The following AFG2A variants were observed in gnomAD, a reference collection of about 807,000 sequenced individuals.
The protein encoded by AFG2A is AAA ATPase AFG2A.
At chr4:123,284,096 T>G in the AFG2A span, among the ~76,000 whole-genome samples, 8 of 152,322 alleles carry the variant, frequency 5.3e-5, no homozygotes, top group South Asian at 1.7e-3. Context: ...ATTTCTCTCC[T>G]CCCTGTCTGC....
chr4:123,091,631 G>A, the AFG2A span, among the ~76,000 whole-genome samples: 22 of 152,164 alleles, frequency 1.4e-4, no homozygotes, highest in Middle Eastern at 3.4e-3. Context: ...TAAAAATAAT[G>A]GATTCTTCTA....
chr4:123,068,503 T>C, the AFG2A span, among the ~76,000 whole-genome samples: 1 of 152,192 alleles, frequency 6.6e-6, no homozygotes, highest in African/African-American at 2.4e-5. Context: ...ATAAAACATT[T>C]CTAAATATGA....
At chr4:123,248,353 G>A in the AFG2A span, among the ~76,000 whole-genome samples, 9 of 152,190 alleles carry the variant, frequency 5.9e-5, no homozygotes, top group East Asian at 1.7e-3. Context: ...TTCTCCCAGT[G>A]TAATTACACT....
the AFG2A span, among the ~76,000 whole-genome samples, chr4:123,182,788 A>G: frequency 8.5e-5 from 13 of 152,304 alleles, no homozygotes; most frequent in Middle Eastern, 3.4e-3. Flanking sequence ...GTTATTTCCA[A>G]CAAAAGCCAC....
the AFG2A span, among the ~76,000 whole-genome samples, chr4:123,300,477 A>G: frequency 3.3e-5 from 5 of 152,164 alleles, no homozygotes; most frequent in African/African-American, 4.8e-5. Context: ...CCTGCAGGAA[A>G]TAGAGTTCAG....
chr4:123,169,461 G>A, the AFG2A span, among the ~76,000 whole-genome samples: 2 of 152,196 alleles, frequency 1.3e-5, no homozygotes, highest in African/African-American at 2.4e-5. Context: ...CTGGCTATGC[G>A]CATTGTTCTG....
the AFG2A span, among the ~76,000 whole-genome samples, chr4:123,050,562 C>G: frequency 6.6e-6 from 1 of 152,016 alleles, no homozygotes; most frequent in Non-Finnish European, 1.5e-5. Context: ...TAATGACTTT[C>G]TTTGTCTCTT....
chr4:123,136,373 A>G, the AFG2A span, among the ~76,000 whole-genome samples: 1 of 151,058 alleles, frequency 6.6e-6, no homozygotes, highest in African/African-American at 2.4e-5. Context: ...GTCTCTACTA[A>G]AAATACAAAA....
At chr4:123,089,758 T>A in the AFG2A span, among the ~76,000 whole-genome samples, 43 of 152,272 alleles carry the variant, frequency 2.8e-4, no homozygotes, top group Middle Eastern at 6.8e-3. Context: ...CTAATTTTTT[T>A]ATTTTTTTTA....
At chr4:123,283,749 T>C in the AFG2A span, among the ~76,000 whole-genome samples, 6 of 152,190 alleles carry the variant, frequency 3.9e-5, no homozygotes, top group Non-Finnish European at 8.8e-5. Flanking sequence ...TAAAGTTGTA[T>C]TGGAACACAG....
chr4:123,178,701 TG>T, the AFG2A span, among the ~76,000 whole-genome samples: 1 of 152,188 alleles, frequency 6.6e-6, no homozygotes, highest in African/African-American at 2.4e-5. Context: ...TTCTAAAAAT[TG>T]GGCTGTTTTT....
the AFG2A span, among the ~76,000 whole-genome samples, chr4:123,178,101 G>A: frequency 1.3e-5 from 2 of 152,116 alleles, no homozygotes; most frequent in Non-Finnish European, 2.9e-5. Flanking sequence ...TTTCTATAAA[G>A]CTTTGAAAAT....
the AFG2A span, among the ~76,000 whole-genome samples, chr4:123,131,001 T>A: frequency 2.6e-5 from 4 of 152,300 alleles, no homozygotes; most frequent in Admixed American, 2.6e-4. Flanking sequence ...TAATCTGCAT[T>A]GCTCTTATTA....
At chr4:123,185,176 G>A in the AFG2A span, among the ~76,000 whole-genome samples, 1 of 140,530 alleles carries the variant, frequency 7.1e-6, no homozygotes, top group African/African-American at 2.4e-5. Context: ...AAAAATTGGA[G>A]GAATATTAGT....
chr4:123,243,883 G>A, the AFG2A span, among the ~76,000 whole-genome samples: 1 of 151,956 alleles, frequency 6.6e-6, no homozygotes, highest in Non-Finnish European at 1.5e-5. Flanking sequence ...TTAGCCAGAT[G>A]TGGTAGCACA....
the AFG2A span, chr4:123,102,151 T>C: frequency 6.6e-6 from 1 of 151,950 alleles, no homozygotes; most frequent in Admixed American, 6.6e-5. Flanking sequence ...TCTGAGGTTT[T>C]TGTTTTTTGT....
At chr4:123,256,135 C>G in the AFG2A span, 1 of 1,614,086 alleles carries the variant, frequency 6.2e-7, no homozygotes, top group South Asian at 1.1e-5. Flanking sequence ...ATGAAGTTGA[C>G]CTGGATGAAC....
At chr4:123,071,941 A>G in the AFG2A span, among the ~76,000 whole-genome samples, 15 of 152,250 alleles carry the variant, frequency 9.9e-5, no homozygotes, top group Non-Finnish European at 1.0e-4. Flanking sequence ...TTTCAACTGT[A>G]ATAAATAAGG....
At chr4:122,933,955 C>G in the AFG2A span, 1 of 1,017,148 alleles carries the variant, frequency 9.8e-7, no homozygotes, top group Non-Finnish European at 1.4e-6. Flanking sequence ...ATTAGGTCCT[C>G]AATTTTTTAT....
Sources: gnomAD v4.1 joint callset for allele counts (sites outside exome capture counted in the v4.1 genomes callset) on GRCh38, gnomAD v4.1.1 for gene constraint, MANE v1.5 for transcripts, NCBI Gene and HGNC (gene_info 2026-07-23, HGNC 2026-07-21) for gene names.